CTNNA2: variants seen among roughly 807,000 people sequenced by gnomAD.
CTNNA2 encodes the protein catenin alpha 2, also known as catenin alpha-2.
In CTNNA2, 42 loss-of-function variants were observed where a neutral mutation model predicts 101.0. The ratio of observed to expected loss-of-function variants is 0.42; its 90% CI spans 0.32 to 0.54. The LOEUF is 0.54. CTNNA2 is among the 20% of genes least tolerant of loss of function. The pLI is 0.14. For missense variants in CTNNA2, 871 were observed against 1,223.1 expected (o/e 0.71, Z 4.29); for synonymous variants, 450 against 456.4 (o/e 0.99, Z 0.18).
chr2:80,492,392 T>C (rs755878455), intron 9 of CTNNA2, among the ~76,000 whole-genome samples: 8 of 152,296 alleles, frequency 5.3e-5, no homozygotes, highest in Non-Finnish European at 8.8e-5. Context: ...CTGGCATTTC[T>C]TAATAGCAGC....
At chr2:80,354,739 C>A (rs1302117427) in intron 7 of CTNNA2, among the ~76,000 whole-genome samples, 1 of 152,052 alleles carries the variant, frequency 6.6e-6, no homozygotes, top group Non-Finnish European at 1.5e-5. Flanking sequence ...TAGAGCTGTT[C>A]TCTGGAAGTG....
At chr2:79,218,311 TTGTGTGTGTGTGTGTG>T (rs60680995) in intron 2 of CTNNA2, among the ~76,000 whole-genome samples, 2 of 114,770 alleles carry the variant, frequency 1.7e-5, no homozygotes, top group African/African-American at 3.3e-5. Flanking sequence ...TTCATGAACT[TTGTGTGTGTGTGTGTG>T]TGTGTGTGTG....
At chr2:79,424,733 T>C (rs973255093) in intron 4 of CTNNA2, among the ~76,000 whole-genome samples, 1 of 152,054 alleles carries the variant, frequency 6.6e-6, no homozygotes, top group Non-Finnish European at 1.5e-5. Flanking sequence ...AGCAGGAGGG[T>C]AGTTCTTTAA....
intron 7 of CTNNA2, among the ~76,000 whole-genome samples, chr2:80,210,166 A>G (rs1023502941): frequency 6.6e-6 from 1 of 152,184 alleles, no homozygotes; most frequent in Non-Finnish European, 1.5e-5. Flanking sequence ...TCCATTTCCA[A>G]TGTCAAATTA....
At chr2:80,558,476 GTGTGTGTGTGTA>G (rs1558585324) in intron 12 of CTNNA2, among the ~76,000 whole-genome samples, 3 of 120,574 alleles carry the variant, frequency 2.5e-5, no homozygotes, top group Admixed American at 9.2e-5. Context: ...GTGTGTGTGT[GTGTGTGTGTGTA>G]TATATATATG....
intron 2 of CTNNA2, among the ~76,000 whole-genome samples, chr2:79,255,777 C>T (rs993573687): frequency 2.0e-5 from 3 of 152,160 alleles, no homozygotes; most frequent in African/African-American, 2.4e-5. Flanking sequence ...TAAAATCAGA[C>T]ATACATAAAT....
intron 4 of CTNNA2, among the ~76,000 whole-genome samples, chr2:79,470,203 T>G (rs539903986): frequency 4.6e-4 from 70 of 152,292 alleles, no homozygotes; most frequent in African/African-American, 1.6e-3. Context: ...CAAGCAGCAG[T>G]AATTTATGAT....
At chr2:80,331,164 G>A (rs749939743) in intron 7 of CTNNA2, among the ~76,000 whole-genome samples, 8 of 152,054 alleles carry the variant, frequency 5.3e-5, no homozygotes, top group Non-Finnish European at 1.0e-4. Context: ...GGCTGAGTCT[G>A]CCATAACTGA....
At chr2:80,220,253 GCTCC>G (rs1455856459) in intron 7 of CTNNA2, among the ~76,000 whole-genome samples, 1 of 152,186 alleles carries the variant, frequency 6.6e-6, no homozygotes, top group African/African-American at 2.4e-5. Flanking sequence ...GCTACACAAT[GCTCC>G]TCTCTCCCCA....
rs115625819 is a variant in CTNNA2 at position 80,642,578 on chromosome 2, A to T, written c.2575-5007A>T. Among the ~76,000 whole-genome samples the T allele has an allele frequency of 8.0e-3, 1,212 of 152,280 alleles. 10 individuals carry two copies. The highest frequency in any genetic ancestry group is 0.027 in the African/African-American group (1,133 of 41,558). ...AAAGTCAGTGATAATTCAACATTTC[A>T]AGAGGTGTAGTTGCACTTTCCTTTG... On this transcript the variant is annotated intron_variant, in intron 18 of 18. Transcript: ENST00000402739.
rs190366977 is a variant in CTNNA2 at position 79,996,473 on chromosome 2, T to G, written c.1056+86676T>G. Among the ~76,000 whole-genome samples the G allele has an allele frequency of 1.1e-4, 16 of 152,322 alleles. No individual in the cohort carries two copies. The East Asian group carries it at 2.9e-3, about 28-fold the overall frequency. ...ATTATGAAGCAGAAAAAAGAAGATA[T>G]GGGTTATCATTGACAGATCCTCAGC... On this transcript the variant is annotated intron_variant, in intron 7 of 18. Transcript: ENST00000402739.
chr2:80,613,815 G>A (rs376520145), intron 17 of CTNNA2, among the ~76,000 whole-genome samples: 4 of 151,450 alleles, frequency 2.6e-5, no homozygotes, highest in East Asian at 1.9e-4. Context: ...GACATGGATT[G>A]ACCTTAATTC....
intron 6 of CTNNA2, among the ~76,000 whole-genome samples, chr2:79,894,327 G>GC (rs1364965995): frequency 1.1e-4 from 15 of 142,182 alleles, no homozygotes; most frequent in Non-Finnish European, 9.2e-5. Context: ...TGGTTGCCCT[G>GC]CCCCCCGCCC....
intron 9 of CTNNA2, among the ~76,000 whole-genome samples, chr2:80,509,858 A>G (rs1688566958): frequency 6.6e-6 from 1 of 152,002 alleles, no homozygotes; most frequent in African/African-American, 2.4e-5. Context: ...TCCATTCTTC[A>G]CTCCACTGTC....
intron 1 of CTNNA2, among the ~76,000 whole-genome samples, chr2:79,193,621 C>T (rs552427319): frequency 1.3e-5 from 2 of 152,270 alleles, no homozygotes; most frequent in African/African-American, 2.4e-5. Context: ...TTGCTCTTTG[C>T]CTTCCATTTT....
intron 3 of CTNNA2, among the ~76,000 whole-genome samples, chr2:79,830,174 A>C (rs1042768740): frequency 7.2e-6 from 1 of 138,096 alleles, no homozygotes; most frequent in Non-Finnish European, 1.7e-5. Flanking sequence ...ACAAGAGTAC[A>C]TAAGGGAGAT....
chr2:80,515,429 CAT>C (rs969382728), intron 9 of CTNNA2, among the ~76,000 whole-genome samples: 22 of 152,288 alleles, frequency 1.4e-4, no homozygotes, highest in African/African-American at 5.3e-4. Context: ...CTCAGAATGA[CAT>C]AATAGTATTT....
intron 6 of CTNNA2, among the ~76,000 whole-genome samples, chr2:79,893,988 GTTTTCTTCT>G: frequency 6.8e-6 from 1 of 146,486 alleles, no homozygotes; most frequent in East Asian, 2.1e-4. Context: ...AGCTTAGGCT[GTTTTCTTCT>G]TCTTCTTCTT....
intron 2 of CTNNA2, among the ~76,000 whole-genome samples, chr2:79,685,645 C>T (rs765487604): frequency 1.3e-5 from 2 of 152,150 alleles, no homozygotes; most frequent in Non-Finnish European, 2.9e-5. Flanking sequence ...CATCCTATAT[C>T]CACACTTAGT....
Sources: gnomAD v4.1 joint callset for allele counts (sites outside exome capture counted in the v4.1 genomes callset) on GRCh38, gnomAD v4.1.1 for gene constraint, MANE v1.5 for transcripts, NCBI Gene and HGNC (gene_info 2026-07-23, HGNC 2026-07-21) for gene names.